The following EPHA4 variants were observed in gnomAD, a reference collection of about 807,000 sequenced individuals.
EPHA4 encodes EPH receptor A4, also known as ephrin type-A receptor 4.
Under a neutral mutation model 108.3 loss-of-function variants are expected in EPHA4, and 19 were observed. The observed-to-expected ratio is 0.18, with a 90% CI of 0.12 to 0.26. The LOEUF (loss-of-function observed/expected upper bound fraction) is 0.26, where lower values mean the gene tolerates loss of function less well. Ranked by LOEUF, EPHA4 falls within the 10% of genes least tolerant of loss-of-function variation. The pLI, the probability that EPHA4 is intolerant of heterozygous loss-of-function variation, is 1.00. For missense variants in EPHA4, 917 were observed against 1,254.0 expected (o/e 0.73, Z 4.06); for synonymous variants, 449 against 455.5 (o/e 0.99, Z 0.18).
At chr2:221,553,730 T>C (rs143420837) in intron 3 of EPHA4, among the ~76,000 whole-genome samples, 247 of 152,370 alleles carry the variant, frequency 1.6e-3, no homozygotes, top group African/African-American at 5.5e-3. Flanking sequence ...TCTAAATTGT[T>C]AGCTTTATGG....
intron 4 of EPHA4, among the ~76,000 whole-genome samples, chr2:221,494,816 G>A (rs1397973397): frequency 1.3e-5 from 2 of 152,126 alleles, no homozygotes; most frequent in East Asian, 1.9e-4. Context: ...AGGGAAACAA[G>A]GAGAAACAGA....
intron 3 of EPHA4, among the ~76,000 whole-genome samples, chr2:221,522,914 C>T (rs1574632437): frequency 6.6e-6 from 1 of 151,726 alleles, no homozygotes; most frequent in Non-Finnish European, 1.5e-5. Flanking sequence ...ATTACAGGTG[C>T]GTGCCACCAT....
At chr2:221,495,050 G>C (rs539485129) in intron 4 of EPHA4, among the ~76,000 whole-genome samples, 2 of 149,228 alleles carry the variant, frequency 1.3e-5, no homozygotes, top group East Asian at 3.9e-4. Flanking sequence ...GACTGATACA[G>C]GTGTCTAAGG....
intron 5 of EPHA4, among the ~76,000 whole-genome samples, chr2:221,467,541 TA>T (rs1691349301): frequency 6.6e-6 from 1 of 152,236 alleles, no homozygotes; most frequent in Non-Finnish European, 1.5e-5. Flanking sequence ...CAGCAATCCT[TA>T]CTCTTTGTAG....
chr2:221,491,994 C>G (rs1692160001), intron 4 of EPHA4, among the ~76,000 whole-genome samples: 1 of 151,838 alleles, frequency 6.6e-6, no homozygotes, highest in Admixed American at 6.6e-5. Context: ...CAGAGTGAGA[C>G]TCTGTCTTAA....
At chr2:221,514,862 T>C (rs896380531) in intron 3 of EPHA4, among the ~76,000 whole-genome samples, 15 of 152,102 alleles carry the variant, frequency 9.9e-5, no homozygotes, top group Non-Finnish European at 2.1e-4. Flanking sequence ...TTGTAAAACA[T>C]GGATGAGCTG....
chr2:221,546,956 G>A (rs985573500), intron 3 of EPHA4, among the ~76,000 whole-genome samples: 2 of 152,152 alleles, frequency 1.3e-5, no homozygotes, highest in Non-Finnish European at 2.9e-5. Flanking sequence ...AAATAAAAGG[G>A]GGGGGACAAA....
chr2:221,461,887 A>T lies in EPHA4; in HGVS notation c.1319-3897T>A, dbSNP rs556944368. Among the ~76,000 whole-genome samples the T allele has an allele frequency of 1.4e-4, 21 of 152,022 alleles. No homozygotes were observed. In the South Asian group the frequency reaches 4.2e-3, roughly 30 times the overall value. Reference sequence around the variant, plus strand: ...ATGGGTGATGGGGAGGAGTAAGTAGAGGGCACTTTCTCACACATTCTATCT... The same window carrying T: ...ATGGGTGATGGGGAGGAGTAAGTAGTGGGCACTTTCTCACACATTCTATCT... On this transcript the variant is annotated intron_variant, in intron 5 of 17. Coordinates refer to ENST00000281821, the MANE Select transcript of EPHA4 (RefSeq NM_004438.5).
chr2:221,531,458 C>T (rs1047159157), intron 3 of EPHA4, among the ~76,000 whole-genome samples: 4 of 151,906 alleles, frequency 2.6e-5, no homozygotes, highest in African/African-American at 9.7e-5. Flanking sequence ...CCTGGCAGCC[C>T]TTAGGCAGAA....
At chr2:221,430,735 C>A (rs1690047461) in intron 14 of EPHA4, among the ~76,000 whole-genome samples, 1 of 152,168 alleles carries the variant, frequency 6.6e-6, no homozygotes, top group Non-Finnish European at 1.5e-5. Context: ...GAATTTCTTT[C>A]TTGGTCTCAG....
chr2:221,473,278 C>A (rs1691547304), intron 5 of EPHA4, among the ~76,000 whole-genome samples: 1 of 152,118 alleles, frequency 6.6e-6, no homozygotes, highest in South Asian at 2.1e-4. Flanking sequence ...ATTTTTAATA[C>A]TGACAGATAG....
rs369178642 is a variant in EPHA4 at position 221,536,261 on chromosome 2, A to T, written c.823+27470T>A. 6.6e-5 allele frequency among the ~76,000 whole-genome samples: 10 copies of T among 152,366 alleles called. No individual in the cohort carries two copies. The East Asian group carries it at 1.7e-3, about 26-fold the overall frequency. On this transcript the variant is annotated intron_variant, in intron 3 of 17. Transcript: ENST00000281821. ...TAAGGAACTTGTCCATGATCAGATC[A>T]GATAATTATTCAGAATAAAAATTAG... is the stretch of plus-strand genomic sequence containing the variant.
chr2:221,512,568 G>C (rs1692860803), intron 3 of EPHA4, among the ~76,000 whole-genome samples: 1 of 152,102 alleles, frequency 6.6e-6, no homozygotes, highest in South Asian at 2.1e-4. Context: ...AAAGATGAGT[G>C]GCTCATTATA....
At chr2:221,439,723 T>C (rs1013715891) in intron 11 of EPHA4, among the ~76,000 whole-genome samples, 2 of 152,062 alleles carry the variant, frequency 1.3e-5, no homozygotes, top group African/African-American at 4.8e-5. Flanking sequence ...AATCAAAAGA[T>C]ACTTTGTCAA....
In EPHA4 at chr2:221,421,016, G is replaced by A. The variant is rs1039436177; in HGVS notation, c.*820-464C>T. Among the ~76,000 whole-genome samples the A allele has an allele frequency of 5.3e-5, 8 of 152,142 alleles. No individual in the cohort carries two copies. In the South Asian group the frequency reaches 8.3e-4, roughly 16 times the overall value. On this transcript the variant is annotated intron_variant, in intron 17 of 17. Coordinates refer to ENST00000281821, the MANE Select transcript of EPHA4 (RefSeq NM_004438.5). ...ATAATGATTGAAAAATGCAAACTAA[G>A]GGCCGGGCGCGGTGGCTCACGCCTG...
At chr2:221,517,449 T>C (rs542185880) in intron 3 of EPHA4, among the ~76,000 whole-genome samples, 3 of 152,172 alleles carry the variant, frequency 2.0e-5, no homozygotes, top group African/African-American at 7.2e-5. Context: ...AAAGATTCAT[T>C]TGGCTGCTGG....
intron 3 of EPHA4, among the ~76,000 whole-genome samples, chr2:221,558,615 T>C (rs1228815014): frequency 6.6e-6 from 1 of 152,150 alleles, no homozygotes; most frequent in Non-Finnish European, 1.5e-5. Flanking sequence ...GAAGCTCAGT[T>C]AGACTAAAAT....
intron 8 of EPHA4, among the ~76,000 whole-genome samples, chr2:221,453,355 C>A (rs1690842084): frequency 6.6e-6 from 1 of 152,016 alleles, no homozygotes; most frequent in South Asian, 2.1e-4. Context: ...ATTATAAAAT[C>A]AAAAAAGCAC....
Position 221,437,087 on chromosome 2 carries a change from T to C in EPHA4, c.2110A>G (p.Asn704Asp). The C allele has an allele frequency of 6.2e-7, 1 of 1,612,866 alleles. No individual in the cohort carries two copies. Among genetic ancestry groups the C allele is most frequent in the Non-Finnish European group, 8.5e-7 (1 of 1,179,360 alleles). ...CTGAGGAATGCATCCAAGGAGCCAT[T>C]CTCCATGTACTCTGTTATGATCATT... ...PVMIITEYMENGSLDAFLRKN... is the reference protein window; with the variant it reads ...PVMIITEYMEDGSLDAFLRKN... The change falls in exon 12 of 18, where the codon AAT (asparagine) becomes GAT (aspartate). Residue 704 changes from asparagine (N) to aspartate (D), a missense_variant. Physicochemically the swap from Asn to Asp is conservative, Grantham distance 23. Coordinates refer to ENST00000281821, the MANE Select transcript of EPHA4 (RefSeq NM_004438.5).
Sources: allele counts gnomAD v4.1 joint callset (sites outside exome capture counted in the v4.1 genomes callset), GRCh38; gene constraint gnomAD v4.1.1; transcripts MANE v1.5; gene names NCBI Gene and HGNC (gene_info 2026-07-23, HGNC 2026-07-21).